Variants in HDGFL2 observed in about 807,000 individuals in gnomAD.
HDGFL2 encodes HDGF like 2.
Under a neutral mutation model 77.1 loss-of-function variants are expected in HDGFL2, and 36 were observed. That is an observed-to-expected ratio of 0.47 (90% CI 0.36 to 0.62). The LOEUF is 0.62. Among genes scored for constraint, HDGFL2 ranks in the 20% least tolerant of loss-of-function variants. HDGFL2 has a pLI of 0.00. For synonymous variants in HDGFL2, 463 were observed against 413.1 expected (o/e 1.12, Z -1.46); for missense variants, 976 against 973.4 (o/e 1.00, Z -0.04).
intron 3 of HDGFL2, among the ~76,000 whole-genome samples, chr19:4,484,607 C>G (rs1223623877): frequency 6.6e-6 from 1 of 151,624 alleles, no homozygotes; most frequent in East Asian, 1.9e-4. Flanking sequence ...TCACACCATT[C>G]TCCTGCCTCA....
In HDGFL2 at chr19:4,488,808, G is replaced by A. The variant is rs1063176; in HGVS notation, c.421G>A (p.Glu141Lys). 3.3e-5 allele frequency: 51 copies of A among 1,551,830 alleles called. No individual in the cohort carries two copies. Among genetic ancestry groups the A allele is most frequent in the Non-Finnish European group, 4.3e-5 (49 of 1,147,134 alleles). ...VTATAASDRMESDSDSDKSSD... is the reference protein window; with the variant it reads ...VTATAASDRMKSDSDSDKSSD... ...CGCCACAGCTGCCAGCGACAGGATG[G>A]AGAGCGACTCAGACTCAGACAAGAG... is the stretch of plus-strand genomic sequence containing the variant. Residue 141 changes from glutamate to lysine, a missense_variant, in exon 4 of 16, where the codon GAG (glutamate) becomes AAG (lysine). Transcript: ENST00000616600.
intron 13 of HDGFL2, 39 bp downstream of exon 13, chr19:4,498,954 G>A (rs1975781602): frequency 3.5e-6 from 5 of 1,439,332 alleles, no homozygotes; most frequent in Non-Finnish European, 4.8e-6. Context: ...TGCAGTCGGG[G>A]GAGCTGGGAG....
At chr19:4,488,935 C>A in intron 4 of HDGFL2, 59 bp downstream of exon 4, 1 of 1,245,370 alleles carries the variant, frequency 8.0e-7, no homozygotes, top group Non-Finnish European at 1.1e-6. Flanking sequence ...TCTCGCCTGG[C>A]AGCTTGCTCT....
rs896964573 is a variant in HDGFL2 at position 4,491,828 on chromosome 19, A to T, written c.671A>T (p.Lys224Ile). The T allele has an allele frequency of 2.5e-6, 4 of 1,613,772 alleles. No individual in the cohort carries two copies. In the East Asian group the frequency reaches 8.9e-5, roughly 36 times the overall value. Residue 224 changes from lysine to isoleucine, a missense_variant, in exon 6 of 16, where the codon AAA (lysine) becomes ATA (isoleucine). Coordinates refer to ENST00000616600, the MANE Select transcript of HDGFL2 (RefSeq NM_001001520.3). ...APRRGPLGGR[K>I]KKKAPSASDS... ...CGGAGGGGCCCTCTGGGGGGACGGA[A>T]AAAAAAGGTAGCGTGCACTTGACTT...
intron 3 of HDGFL2, 102 bp downstream of exon 3, chr19:4,475,685 C>T (rs999403331): frequency 6.6e-5 from 90 of 1,366,836 alleles, no homozygotes; most frequent in Non-Finnish European, 8.3e-5. Context: ...ACATGGGGCT[C>T]GATCGTTCCC....
rs1020502406 is a variant in HDGFL2, at chr19:4,502,005, A to T, written c.2011A>T (p.Ser671Cys). 6.6e-7 allele frequency: 1 copy of T among 1,519,666 alleles called. No homozygotes were observed. Among genetic ancestry groups the T allele is most frequent in the African/African-American group, 1.4e-5 (1 of 71,284 alleles). The allele number at this position is 1,519,666 out of a possible 1,614,324, so 94.1% of individuals were successfully genotyped here. A position where few individuals can be genotyped will look rare whatever the true frequency, so the allele number is the denominator to read the frequency against. ...GGACTCGGAGGCCCTGGACGAGGAG[A>T]GCTGAGCCGCGGGCAGCCAGGCCCA... ...RGDSEALDEE[S>C] Residue 671 changes from serine (S) to cysteine (C), a missense_variant, in exon 16 of 16, where the codon AGC becomes TGC. Physicochemically the swap from Ser to Cys is moderately radical, Grantham distance 112. Around this residue, in one of 5 missense-constraint regions of HDGFL2, gnomAD observed 229 missense variants for 187.3 expected, o/e 1.22. Transcript: ENST00000616600.
At chr19:4,479,701 A>G (rs1975165283) in intron 3 of HDGFL2, among the ~76,000 whole-genome samples, 1 of 151,902 alleles carries the variant, frequency 6.6e-6, no homozygotes, top group African/African-American at 2.4e-5. Flanking sequence ...TGAGGTCAGG[A>G]GGTCAGACCA....
Position 4,492,690 on chromosome 19 carries a change from G to A in HDGFL2, c.678+855G>A, listed in dbSNP as rs893461865. Among the ~76,000 whole-genome samples, 5 of 149,812 alleles carry A rather than the reference G, an allele frequency of 3.3e-5. 1 individual carries two copies. Among genetic ancestry groups the A allele is most frequent in the African/African-American group, 4.9e-5 (2 of 40,514 alleles). On this transcript the variant is annotated intron_variant, in intron 6 of 15. Coordinates refer to ENST00000616600, the MANE Select transcript of HDGFL2 (RefSeq NM_001001520.3). Reference sequence around the variant, plus strand: ...GTCTGGTATGTGTGTTGTCTGTGGTGTGTGGTATGTGTTGTCTGTGTGTGG... The same window carrying A: ...GTCTGGTATGTGTGTTGTCTGTGGTATGTGGTATGTGTTGTCTGTGTGTGG...
At chr19:4,493,028 GTGTGTGGTGTGTGGTATC>G (rs1347197817) in intron 6 of HDGFL2, among the ~76,000 whole-genome samples, 9 of 138,904 alleles carry the variant, frequency 6.5e-5, no homozygotes, top group Non-Finnish European at 1.6e-5. Context: ...TGTGTTATCT[GTGTGTGGTGTGTGGTATC>G]TGTGTGGTGT....
chr19:4,494,845 A>T (rs911545501), intron 9 of HDGFL2, among the ~76,000 whole-genome samples: 3 of 151,522 alleles, frequency 2.0e-5, no homozygotes, highest in Non-Finnish European at 4.4e-5. Context: ...GCTTGAGCCC[A>T]GGAGTTGGAG....
chr19:4,485,074 G>A (rs1052318081), intron 3 of HDGFL2, among the ~76,000 whole-genome samples: 3 of 152,124 alleles, frequency 2.0e-5, no homozygotes, highest in African/African-American at 7.2e-5. Flanking sequence ...CCAAAGTGCT[G>A]GGATTACAGG....
Position 4,475,723 on chromosome 19 carries a change from G to A in HDGFL2, c.288+140G>A. The A allele has an allele frequency of 2.9e-6, 3 of 1,050,514 alleles. No homozygotes were observed. The South Asian group carries it at 5.6e-5, about 20-fold the overall frequency. The allele number at this position is 1,050,514 out of a possible 1,614,324, so 65.1% of individuals were successfully genotyped here. ...TGGTGGGGCATTCTGGGCCCTGCAG[G>A]TGCTGAGCAGTGTCCCTGGCCTCCA... On this transcript the variant is annotated intron_variant, in intron 3 of 15. Coordinates refer to ENST00000616600, the MANE Select transcript of HDGFL2 (RefSeq NM_001001520.3).
rs548776844 is a variant in HDGFL2, at chr19:4,497,551, G to A, written c.1329-407G>A. On this transcript the variant is annotated intron_variant, in intron 10 of 15. Transcript: ENST00000616600. ...TGGGCAAACCTGCCCATGAGAATTCGGCAGGCCGGTATGGCAGTGGCGGGG... is the reference window on the plus strand; with the variant it reads ...TGGGCAAACCTGCCCATGAGAATTCAGCAGGCCGGTATGGCAGTGGCGGGG... 3.0e-3 allele frequency: 910 copies of A among 299,284 alleles called. 2 individuals are homozygous for A. Among genetic ancestry groups the A allele is most frequent in the Admixed American group, 5.0e-3 (103 of 20,566 alleles). 18.5% of individuals were successfully genotyped at this position (299,284 alleles called of 1,614,324 possible).
chr19:4,498,030 AG>A lies in HDGFL2; in HGVS notation c.1402+1del. 1 of 1,554,654 alleles carries A rather than the reference AG, an allele frequency of 6.4e-7. No homozygotes were observed. The highest frequency in any genetic ancestry group is 8.7e-7 in the Non-Finnish European group (1 of 1,148,628). ...SMDRKVEKKK[E>X]PSVEEKLQKL... ...TGGACAGGAAGGTAGAGAAGAAGAA[AG>A]GTGAGGCCTGGCTGCCCAGCACTGC... On this transcript the variant is annotated frameshift_variant and splice_region_variant, in exon 11 of 16. Coordinates refer to ENST00000616600, the MANE Select transcript of HDGFL2 (RefSeq NM_001001520.3). LOFTEE classifies it high-confidence loss of function.
intron 1 of HDGFL2, among the ~76,000 whole-genome samples, chr19:4,472,786 C>T (rs925802232): frequency 2.1e-4 from 31 of 145,286 alleles, no homozygotes; most frequent in African/African-American, 5.9e-4. Context: ...CCTGCAGGAC[C>T]CGCCGTCTGG....
At chr19:4,485,186 G>A (rs1358595420) in intron 3 of HDGFL2, among the ~76,000 whole-genome samples, 1 of 152,118 alleles carries the variant, frequency 6.6e-6, no homozygotes, top group Non-Finnish European at 1.5e-5. Context: ...CAAGCCTCAG[G>A]CAACCATGGA....
At chr19:4,490,234 C>T (rs921950530) in intron 4 of HDGFL2, among the ~76,000 whole-genome samples, 1 of 152,166 alleles carries the variant, frequency 6.6e-6, no homozygotes, top group African/African-American at 2.4e-5. Flanking sequence ...ATTACAGGGG[C>T]CCGCTACCAC....
chr19:4,475,241 G>T, intron 1 of HDGFL2, 34 bp from the exon 2 acceptor site: 1 of 1,601,020 alleles, frequency 6.2e-7, no homozygotes, highest in Non-Finnish European at 8.6e-7. Context: ...GGGTCAGTGG[G>T]TAAAGCCACC....
rs1975612560 is a variant in HDGFL2, at chr19:4,493,716, C to CCTCCGA, written c.703_708dup (p.Asp235_Ser236dup). ...GCTTCTCCCCAGAAGGCGCCATCAG[C>CCTCCGA]CTCCGACTCCGACTCCAAGGCCGAT... On this transcript the variant is annotated inframe_insertion, in exon 7 of 16. Coordinates refer to ENST00000616600, the MANE Select transcript of HDGFL2 (RefSeq NM_001001520.3). The CCTCCGA allele has an allele frequency of 4.7e-6, 7 of 1,476,354 alleles. No homozygotes were observed. Among genetic ancestry groups the CCTCCGA allele is most frequent in the South Asian group, 1.4e-5 (1 of 73,302 alleles). 91.5% of individuals were successfully genotyped at this position (1,476,354 alleles called of 1,614,324 possible).
Sources: gnomAD v4.1 joint callset for allele counts (sites outside exome capture counted in the v4.1 genomes callset) on GRCh38, gnomAD v4.1.1 for gene constraint, gnomAD v4.1.1 regional missense constraint, MANE v1.5 for transcripts, NCBI Gene and HGNC (gene_info 2026-07-23, HGNC 2026-07-21) for gene names.